Variants in GRIN2B observed in about 807,000 individuals in gnomAD.
The protein encoded by GRIN2B is glutamate ionotropic receptor NMDA type subunit 2B, also known as glutamate receptor ionotropic, NMDA 2B.
Under a neutral mutation model 114.5 loss-of-function variants are expected in GRIN2B, and 5 were observed. The ratio of observed to expected loss-of-function variants is 0.04; its 90% CI spans 0.02 to 0.09. GRIN2B has a LOEUF of 0.09. Among genes scored for constraint, GRIN2B ranks in the 10% least tolerant of loss-of-function variants. The probability of loss-of-function intolerance (pLI) is 1.00; values close to 1 mark genes in which losing one functional copy is unlikely to be tolerated. For synonymous variants in GRIN2B, 787 were observed against 745.1 expected, an observed-to-expected ratio of 1.06 and a Z score of -0.92; for missense variants, 1,108 against 1,943.5, an observed-to-expected ratio of 0.57 and a Z score of 8.08.
At chr12:13,634,573 C>T (rs1271341608) in intron 5 of GRIN2B, among the ~76,000 whole-genome samples, 1 of 152,094 alleles carries the variant, frequency 6.6e-6, no homozygotes, top group Non-Finnish European at 1.5e-5. Flanking sequence ...ATGGGCTAAG[C>T]TTTGAAGTGA....
intron 4 of GRIN2B, among the ~76,000 whole-genome samples, chr12:13,734,659 CCT>C (rs1863149494): frequency 6.6e-6 from 1 of 152,174 alleles, no homozygotes; most frequent in Non-Finnish European, 1.5e-5. Context: ...TGCCATGAAT[CCT>C]AGGGTGGATA....
At chr12:13,627,020 A>T (rs1001128947) in intron 5 of GRIN2B, among the ~76,000 whole-genome samples, 1 of 151,874 alleles carries the variant, frequency 6.6e-6, no homozygotes, top group African/African-American at 2.4e-5. Flanking sequence ...TTTTGGTAGG[A>T]CCCAGGAGAA....
chr12:13,603,654 A>G (rs1277978486), intron 10 of GRIN2B, among the ~76,000 whole-genome samples: 1 of 151,818 alleles, frequency 6.6e-6, no homozygotes, highest in East Asian at 1.9e-4. Flanking sequence ...AGTAGTAGTA[A>G]TAGTAGTGGT....
intron 3 of GRIN2B, among the ~76,000 whole-genome samples, chr12:13,802,472 C>T (rs1247282543): frequency 1.3e-5 from 2 of 152,014 alleles, no homozygotes; most frequent in Non-Finnish European, 2.9e-5. Flanking sequence ...AAAATTTATG[C>T]TGAAGAAATA....
intron 2 of GRIN2B, among the ~76,000 whole-genome samples, chr12:13,966,775 T>C (rs201109370): frequency 6.6e-6 from 1 of 152,308 alleles, no homozygotes; most frequent in East Asian, 1.9e-4. Context: ...ACAAGTATTG[T>C]TGAAAGTGAA....
At chr12:13,608,564 A>T (rs766675971) in intron 10 of GRIN2B, 39 bp downstream of exon 10, 27 of 1,450,914 alleles carry the variant, frequency 1.9e-5, no homozygotes, top group Non-Finnish European at 2.6e-5. Flanking sequence ...TGAGAACAGG[A>T]TTGAGGGAAA....
At chr12:13,717,415 T>G (rs928745063) in intron 4 of GRIN2B, among the ~76,000 whole-genome samples, 2 of 151,920 alleles carry the variant, frequency 1.3e-5, no homozygotes, top group Non-Finnish European at 1.5e-5. Context: ...CATCAACCCT[T>G]AAACAAATTA....
intron 10 of GRIN2B, among the ~76,000 whole-genome samples, chr12:13,600,731 A>G (rs1320173512): frequency 6.6e-6 from 1 of 152,218 alleles, no homozygotes; most frequent in Non-Finnish European, 1.5e-5. Flanking sequence ...TCACAGAAAC[A>G]TGTCCTCAAT....
At chr12:13,570,700 A>G (rs867230700) in intron 11 of GRIN2B, among the ~76,000 whole-genome samples, 2 of 152,256 alleles carry the variant, frequency 1.3e-5, no homozygotes, top group African/African-American at 4.8e-5. Flanking sequence ...AAATACATAA[A>G]AAAGGGAATA....
rs114242915 is a variant in GRIN2B at position 13,924,412 on chromosome 12, A to C, written c.-19+55516T>G. 6.0e-3 allele frequency among the ~76,000 whole-genome samples: 911 copies of C among 152,324 alleles called. 11 individuals are homozygous for C. The highest frequency in any genetic ancestry group is 0.021 in the African/African-American group (864 of 41,580). Reference sequence around the variant, plus strand: ...TATCATCCCTGCTCCCCCAAAGAAGAAAGGTGAGGGAGCTGCTAATAGAAC... The same window carrying C: ...TATCATCCCTGCTCCCCCAAAGAAGCAAGGTGAGGGAGCTGCTAATAGAAC... On this transcript the variant is annotated intron_variant, in intron 2 of 13. Coordinates refer to ENST00000609686, the MANE Select transcript of GRIN2B (RefSeq NM_000834.5).
chr12:13,648,112 C>G (rs567283219), intron 5 of GRIN2B, among the ~76,000 whole-genome samples: 1 of 152,166 alleles, frequency 6.6e-6, no homozygotes, highest in African/African-American at 2.4e-5. Context: ...CAGTAATAAA[C>G]TAGGTGTATC....
chr12:13,852,243 T>C (rs1282167263), intron 3 of GRIN2B, among the ~76,000 whole-genome samples: 1 of 152,150 alleles, frequency 6.6e-6, no homozygotes, highest in Admixed American at 6.5e-5. Flanking sequence ...TTCCCTGTGA[T>C]ACTCTTCTCA....
intron 12 of GRIN2B, among the ~76,000 whole-genome samples, chr12:13,568,238 A>T (rs2268092): frequency 0.065 from 9,871 of 152,210 alleles, 432 homozygotes; most frequent in East Asian, 0.2. Flanking sequence ...GGTCCCAGAC[A>T]AAAGGAAAGT....
intron 2 of GRIN2B, among the ~76,000 whole-genome samples, chr12:13,975,086 T>C (rs1239203616): frequency 2.0e-5 from 3 of 152,200 alleles, no homozygotes; most frequent in Non-Finnish European, 4.4e-5. Flanking sequence ...GGTTTCTTTC[T>C]GATTTAAAAA....
chr12:13,836,834 C>T (rs1300221712), intron 3 of GRIN2B, among the ~76,000 whole-genome samples: 1 of 152,202 alleles, frequency 6.6e-6, no homozygotes, highest in Admixed American at 6.5e-5. Context: ...TGCCTCATGG[C>T]ACACTCAGAT....
chr12:13,693,194 G>A (rs184537196), intron 4 of GRIN2B, among the ~76,000 whole-genome samples: 11 of 152,216 alleles, frequency 7.2e-5, no homozygotes, highest in African/African-American at 2.4e-4. Context: ...AGGAACTTAA[G>A]TCTTTATACC....
chr12:13,743,183 C>T (rs373079627), intron 4 of GRIN2B, among the ~76,000 whole-genome samples: 1 of 152,102 alleles, frequency 6.6e-6, no homozygotes, highest in Non-Finnish European at 1.5e-5. Context: ...GTGCTTTGAG[C>T]GACACTCTGT....
At chr12:13,726,830 C>T (rs1054088123) in intron 4 of GRIN2B, among the ~76,000 whole-genome samples, 2 of 152,048 alleles carry the variant, frequency 1.3e-5, no homozygotes, top group Non-Finnish European at 2.9e-5. Context: ...CGACCCTTTC[C>T]GCAAGTCCAC....
chr12:13,628,775 A>G, intron 5 of GRIN2B, among the ~76,000 whole-genome samples: 1 of 152,256 alleles, frequency 6.6e-6, no homozygotes, highest in Non-Finnish European at 1.5e-5. Flanking sequence ...AAGTATAATG[A>G]CAATATTTTC....
Sources: allele counts gnomAD v4.1 joint callset (sites outside exome capture counted in the v4.1 genomes callset), GRCh38; gene constraint gnomAD v4.1.1; transcripts MANE v1.5; gene names NCBI Gene and HGNC (gene_info 2026-07-23, HGNC 2026-07-21).